F13A1: variants seen among roughly 807,000 people sequenced by gnomAD.
F13A1 encodes FSF, A subunit.
F13A1 carries 47 observed loss-of-function variants against 80.1 expected under a neutral mutation model. The ratio of observed to expected loss-of-function variants is 0.59; its 90% CI spans 0.46 to 0.75. The LOEUF (loss-of-function observed/expected upper bound fraction) is 0.75. Among genes scored for constraint, F13A1 ranks in the 30% least tolerant of loss-of-function variants. The probability of loss-of-function intolerance (pLI) is 0.00; values close to 1 mark genes in which losing one functional copy is unlikely to be tolerated. For missense variants in F13A1, 817 were observed against 930.4 expected (o/e 0.88, Z 1.59); for synonymous variants, 349 against 344.9 (o/e 1.01, Z -0.13).
intron 2 of F13A1, among the ~76,000 whole-genome samples, chr6:6,315,599 A>G (rs3024334): frequency 0.15 from 22,429 of 152,218 alleles, 2,098 homozygotes; most frequent in Non-Finnish European, 0.21. Context: ...AGAACACTGT[A>G]TATATCACAC....
At chr6:6,182,755 G>GA (rs1340333596) in intron 10 of F13A1, among the ~76,000 whole-genome samples, 1 of 152,054 alleles carries the variant, frequency 6.6e-6, no homozygotes, top group Non-Finnish European at 1.5e-5. Flanking sequence ...GGGATTTGGG[G>GA]GCCTTAATGA....
intron 3 of F13A1, among the ~76,000 whole-genome samples, chr6:6,298,886 C>A (rs1213469194): frequency 2.0e-5 from 3 of 148,616 alleles, no homozygotes; most frequent in African/African-American, 7.8e-5. Flanking sequence ...GTGGCTGGTA[C>A]TGGTTGTTCC....
chr6:6,297,959 G>C (rs1299109837), intron 3 of F13A1, among the ~76,000 whole-genome samples: 5 of 149,988 alleles, frequency 3.3e-5, no homozygotes, highest in Admixed American at 6.6e-5. Flanking sequence ...CTTTGTTCTC[G>C]TTGGTTTCAA....
rs1761278769 is a variant in F13A1, at chr6:6,195,779, C to T, written c.1305+18G>A. 2.5e-6 allele frequency: 4 copies of T among 1,611,652 alleles called. No homozygotes were observed. Among genetic ancestry groups the T allele is most frequent in the African/African-American group, 2.7e-5 (2 of 74,888 alleles). On this transcript the variant is annotated intron_variant, in intron 10 of 14. Coordinates refer to ENST00000264870, the MANE Select transcript of F13A1 (RefSeq NM_000129.4). ...GGTTGGGGAGAAAAACAGCACTTTCCTCCAGCTTCCTGCTTACCTCTGCAA... is the reference window on the plus strand; with the variant it reads ...GGTTGGGGAGAAAAACAGCACTTTCTTCCAGCTTCCTGCTTACCTCTGCAA...
rs552284537 is a variant in F13A1, at chr6:6,318,532, T to G, written c.130+3A>C. 1.9e-6 allele frequency: 3 copies of G among 1,613,100 alleles called. No homozygotes were observed. In the African/African-American group the frequency reaches 4.0e-5, roughly 22 times the overall value. ...GTGGTGGGGAAGGGGGGTATGCTCA[T>G]ACCTTGCAGGTTGACGCCCCGGGGC... On this transcript the variant is annotated splice_donor_region_variant and intron_variant, in intron 2 of 14. Transcript: ENST00000264870.
intron 2 of F13A1, among the ~76,000 whole-genome samples, chr6:6,310,503 T>TTTA (rs941488018): frequency 1.3e-5 from 2 of 152,082 alleles, no homozygotes; most frequent in African/African-American, 4.8e-5. Context: ...TTAATAAATG[T>TTTA]TTATTATTAT....
chr6:6,203,128 C>T (rs772203658), intron 8 of F13A1, among the ~76,000 whole-genome samples: 1 of 152,194 alleles, frequency 6.6e-6, no homozygotes, highest in Admixed American at 6.5e-5. Flanking sequence ...GAATAGAATG[C>T]TATTCAGCCA....
chr6:6,237,246 A>G (rs1757425825), intron 6 of F13A1, among the ~76,000 whole-genome samples: 1 of 152,156 alleles, frequency 6.6e-6, no homozygotes, highest in Admixed American at 6.5e-5. Context: ...GTTATGTTGT[A>G]AGGATAGGAA....
At chr6:6,228,731 CAA>C (rs35068752) in intron 6 of F13A1, among the ~76,000 whole-genome samples, 30 of 72,676 alleles carry the variant, frequency 4.1e-4, no homozygotes, top group African/African-American at 1.0e-3. Context: ...GATCCTGTCT[CAA>C]AAAAAAAAAA....
intron 6 of F13A1, among the ~76,000 whole-genome samples, chr6:6,232,454 C>T (rs963425050): frequency 6.6e-6 from 1 of 152,066 alleles, no homozygotes; most frequent in Non-Finnish European, 1.5e-5. Flanking sequence ...ATTTATAAAA[C>T]AATAACAAAT....
chr6:6,255,986 G>C (rs183590154), intron 4 of F13A1, among the ~76,000 whole-genome samples: 3 of 152,194 alleles, frequency 2.0e-5, no homozygotes, highest in African/African-American at 7.2e-5. Flanking sequence ...TGTTTGGAAG[G>C]CTAACAAAAA....
intron 3 of F13A1, among the ~76,000 whole-genome samples, chr6:6,298,816 A>C (rs1259796): frequency 1.3e-5 from 2 of 149,478 alleles, no homozygotes; most frequent in East Asian, 3.9e-4. Context: ...GATTTTGCTC[A>C]TTAGTTGATG....
chr6:6,281,100 T>C (rs1261724319), intron 3 of F13A1, among the ~76,000 whole-genome samples: 1 of 152,206 alleles, frequency 6.6e-6, no homozygotes, highest in Non-Finnish European at 1.5e-5. Flanking sequence ...AGGGAACTGG[T>C]CTCAGCTAAC....
chr6:6,220,587 C>T (rs574056405), intron 8 of F13A1, among the ~76,000 whole-genome samples: 1 of 144,772 alleles, frequency 6.9e-6, no homozygotes, highest in Non-Finnish European at 1.5e-5. Flanking sequence ...GTGTGTGTGT[C>T]TGTGTGTTTT....
At chr6:6,149,754 C>G (rs1485619857) in intron 14 of F13A1, among the ~76,000 whole-genome samples, 1 of 152,230 alleles carries the variant, frequency 6.6e-6, no homozygotes, top group Non-Finnish European at 1.5e-5. Flanking sequence ...CTCAAACTGA[C>G]TAAGAGCAGC....
At chr6:6,235,501 G>A (rs185679221) in intron 6 of F13A1, among the ~76,000 whole-genome samples, 80 of 152,038 alleles carry the variant, frequency 5.3e-4, no homozygotes, top group Non-Finnish European at 9.7e-4. Flanking sequence ...TTCCATCAAA[G>A]AAAATACGTG....
chr6:6,245,629 G>C (rs1757544941), intron 6 of F13A1, among the ~76,000 whole-genome samples: 1 of 152,192 alleles, frequency 6.6e-6, no homozygotes, highest in Admixed American at 6.5e-5. Context: ...CCAACCTTCA[G>C]TGCTAGACTT....
chr6:6,286,400 A>G (rs1378463690), intron 3 of F13A1, among the ~76,000 whole-genome samples: 3 of 152,140 alleles, frequency 2.0e-5, no homozygotes, highest in Admixed American at 2.0e-4. Context: ...AAACGAACAA[A>G]AACCCTAAGT....
intron 3 of F13A1, among the ~76,000 whole-genome samples, chr6:6,269,836 C>T (rs186694494): frequency 6.6e-6 from 1 of 152,062 alleles, no homozygotes; most frequent in Non-Finnish European, 1.5e-5. Context: ...GCCTCAGCCT[C>T]CCTAGTAGCT....
Sources: gnomAD v4.1 joint callset for allele counts (sites outside exome capture counted in the v4.1 genomes callset) on GRCh38, gnomAD v4.1.1 for gene constraint, MANE v1.5 for transcripts, NCBI Gene and HGNC (gene_info 2026-07-23, HGNC 2026-07-21) for gene names.